Variants in RXFP1 observed in about 807,000 individuals in gnomAD.
RXFP1 encodes the protein relaxin receptor 1.
A neutral mutation model predicts 89.8 loss-of-function variants in RXFP1; 73 were observed. That is an observed-to-expected ratio of 0.81 (90% CI 0.67 to 0.99). The LOEUF (loss-of-function observed/expected upper bound fraction) is 0.99, where lower values mean the gene tolerates loss of function less well. Ranked by LOEUF, RXFP1 falls within the 50% of genes least tolerant of loss-of-function variation. The pLI is 0.00. For missense variants in RXFP1, 793 were observed against 895.5 expected (o/e 0.89, Z 1.46); for synonymous variants, 277 against 305.5 (o/e 0.91, Z 0.97).
intron 11 of RXFP1, among the ~76,000 whole-genome samples, chr4:158,630,796 T>A (rs1332572513): frequency 6.6e-6 from 1 of 152,202 alleles, no homozygotes; most frequent in East Asian, 1.9e-4. Context: ...TTTCATTGGA[T>A]GAGTCTATAT....
chr4:158,527,564 A>ATATATAT (rs1553989393), intron 1 of RXFP1, among the ~76,000 whole-genome samples: 5 of 98,324 alleles, frequency 5.1e-5, no homozygotes, highest in African/African-American at 1.4e-4. Context: ...AAAAAAAAAA[A>ATATATAT]ATATATATAT....
chr4:158,609,629 C>T (rs138334990), intron 6 of RXFP1, among the ~76,000 whole-genome samples: 1 of 152,090 alleles, frequency 6.6e-6, no homozygotes, highest in Non-Finnish European at 1.5e-5. Flanking sequence ...GGGATTGAGT[C>T]GAGAAGAGCA....
chr4:158,608,775 C>A (rs1227500102), intron 6 of RXFP1, among the ~76,000 whole-genome samples: 1 of 152,046 alleles, frequency 6.6e-6, no homozygotes, highest in Non-Finnish European at 1.5e-5. Flanking sequence ...ATAATAATTC[C>A]TCATATCTGT....
intron 3 of RXFP1, 55 bp from the exon 4 acceptor site, chr4:158,599,271 C>T (rs1271591083): frequency 6.2e-7 from 1 of 1,610,850 alleles, no homozygotes; most frequent in East Asian, 2.2e-5. Flanking sequence ...TTTCATTACC[C>T]TCCTCTTCCT....
In RXFP1 at chr4:158,652,417, A is replaced by T. The variant is rs2150288168; in HGVS notation, c.*362A>T. 1 of 162,086 alleles carries T rather than the reference A, an allele frequency of 6.2e-6. No individual in the cohort carries two copies. The allele number at this position is 162,086 out of a possible 1,614,324, so 10.0% of individuals were successfully genotyped here. A position where few individuals can be genotyped will look rare whatever the true frequency, so the allele number is the denominator to read the frequency against. The stretch of plus-strand genomic sequence containing the variant: ...CAATCTGTAGATGGTGTTTAATGAC[A>T]AAAGACTATACAAAGTCCATCTGCA... On this transcript the variant is annotated 3_prime_UTR_variant, in exon 18 of 18. Transcript: ENST00000307765.
chr4:158,553,480 C>T (rs6536353), intron 1 of RXFP1, among the ~76,000 whole-genome samples: 145,991 of 152,152 alleles, frequency 0.96, 70,291 homozygotes, highest in East Asian at 1. Context: ...GAAGGACTGA[C>T]ACGGGACAGA....
intron 3 of RXFP1, among the ~76,000 whole-genome samples, chr4:158,598,074 T>C (rs1157596352): frequency 2.0e-5 from 3 of 152,304 alleles, no homozygotes; most frequent in Middle Eastern, 3.4e-3. Flanking sequence ...AAAAAGCTCC[T>C]CATGAACAGT....
Position 158,651,818 on chromosome 4 carries a change from T to C in RXFP1, c.2037T>C (p.Ile679=). 6.2e-7 allele frequency: 1 copy of C among 1,614,060 alleles called. No homozygotes were observed. The highest frequency in any genetic ancestry group is 8.5e-7 in the Non-Finnish European group (1 of 1,179,966). The change falls in exon 18 of 18, where the codon ATT becomes ATC. Residue 679 remains isoleucine, a synonymous_variant. Transcript: ENST00000307765. ...CCATTAACAGTGCTTTGAACCCAAT[T>C]CTCTATACTCTGACCACAAGACCAT... ...ILPINSALNP[I]LYTLTTRPFK...
chr4:158,598,982 G>A lies in RXFP1; in HGVS notation c.287-344G>A, dbSNP rs557395151. Among the ~76,000 whole-genome samples, 13 of 151,192 alleles carry A rather than the reference G, an allele frequency of 8.6e-5. No individual in the cohort carries two copies. In the South Asian group the frequency reaches 1.7e-3, roughly 20 times the overall value. ...ACATTAAGCCTCATCACACACTATC[G>A]TGTCAATCCTTAGCAGACTGTTCTC... On this transcript the variant is annotated intron_variant, in intron 3 of 17. Coordinates refer to ENST00000307765, the MANE Select transcript of RXFP1 (RefSeq NM_021634.4).
In RXFP1 at chr4:158,543,984, G is replaced by A. The variant is rs191234600; in HGVS notation, c.49+21959G>A. 7.8e-5 allele frequency: 77 copies of A among 985,370 alleles called. No individual in the cohort carries two copies. The Admixed American group carries it at 1.8e-3, about 23-fold the overall frequency. 61.0% of individuals were successfully genotyped at this position (985,370 alleles called of 1,614,324 possible). ...ATATTTTTGCATTCTGCCATGTTTC[G>A]TCCATTTTGCCCCTACCTTGGGCAT... On this transcript the variant is annotated intron_variant, in intron 1 of 17. Coordinates refer to ENST00000307765, the MANE Select transcript of RXFP1 (RefSeq NM_021634.4).
chr4:158,628,753 T>G, intron 11 of RXFP1, 44 bp downstream of exon 11: 8 of 1,081,892 alleles, frequency 7.4e-6, no homozygotes, highest in Non-Finnish European at 1.1e-5. Context: ...TTCTTTCTAC[T>G]GTTTTTTCAC....
At chr4:158,561,316 G>A (rs940510070) in intron 1 of RXFP1, among the ~76,000 whole-genome samples, 14 of 152,130 alleles carry the variant, frequency 9.2e-5, no homozygotes, top group African/African-American at 3.4e-4. Flanking sequence ...GAAACTTCTT[G>A]AGCACTCACA....
Position 158,580,511 on chromosome 4 carries a change from G to A in RXFP1, c.187+7676G>A, listed in dbSNP as rs142173835. 3.3e-5 allele frequency among the ~76,000 whole-genome samples: 5 copies of A among 152,206 alleles called. No individual in the cohort carries two copies. The East Asian group carries it at 9.6e-4, about 29-fold the overall frequency. The stretch of plus-strand genomic sequence containing the variant: ...TCTCAAATGTACACAGAAAGTTGCG[G>A]CAACAAACAACAGTAAGTAGAGAGT... On this transcript the variant is annotated intron_variant, in intron 2 of 17. Coordinates refer to ENST00000307765, the MANE Select transcript of RXFP1 (RefSeq NM_021634.4).
intron 1 of RXFP1, among the ~76,000 whole-genome samples, chr4:158,534,096 G>T (rs973189327): frequency 6.6e-6 from 1 of 151,416 alleles, no homozygotes; most frequent in African/African-American, 2.4e-5. Context: ...ACTCGATCAC[G>T]TTCTTCTCTA....
At chr4:158,623,342 C>A (rs896234609) in intron 9 of RXFP1, among the ~76,000 whole-genome samples, 1,358 of 106,098 alleles carry the variant, frequency 0.013, 17 homozygotes, top group African/African-American at 0.03. Context: ...CTACTAAATA[C>A]AAAAAAAAAA....
At chr4:158,640,977 T>C (rs4234922) in intron 14 of RXFP1, among the ~76,000 whole-genome samples, 26,105 of 152,200 alleles carry the variant, frequency 0.17, 2,809 homozygotes, top group African/African-American at 0.28. Flanking sequence ...ACTTTTTTAA[T>C]TGAATGCAAT....
chr4:158,569,819 G>T (rs991783529), intron 1 of RXFP1, among the ~76,000 whole-genome samples: 1 of 152,146 alleles, frequency 6.6e-6, no homozygotes, highest in Non-Finnish European at 1.5e-5. Flanking sequence ...TTGGTGGGGG[G>T]TGGGGATAAG....
intron 14 of RXFP1, among the ~76,000 whole-genome samples, chr4:158,641,101 AC>A (rs1213262910): frequency 6.6e-6 from 1 of 152,214 alleles, no homozygotes; most frequent in African/African-American, 2.4e-5. Flanking sequence ...CTAACACAGA[AC>A]CCTGTTTTTG....
At chr4:158,626,101 T>G (rs1287067918) in intron 9 of RXFP1, among the ~76,000 whole-genome samples, 2 of 148,548 alleles carry the variant, frequency 1.3e-5, no homozygotes, top group African/African-American at 5.0e-5. Context: ...GGATTATATT[T>G]AGATATCTAT....
Sources: gnomAD v4.1 joint callset for allele counts (sites outside exome capture counted in the v4.1 genomes callset) on GRCh38, gnomAD v4.1.1 for gene constraint, MANE v1.5 for transcripts, NCBI Gene and HGNC (gene_info 2026-07-23, HGNC 2026-07-21) for gene names.